SRGAP3: variants seen among roughly 807,000 people sequenced by gnomAD.
SRGAP3 encodes the protein SLIT-ROBO Rho GTPase-activating protein 3.
Under a neutral mutation model 121.1 loss-of-function variants are expected in SRGAP3, and 39 were observed. The ratio of observed to expected loss-of-function variants is 0.32; its 90% CI spans 0.25 to 0.42. The LOEUF is 0.42. Among genes scored for constraint, SRGAP3 ranks in the 10% least tolerant of loss-of-function variants. The probability of loss-of-function intolerance (pLI) is 1.00; values close to 1 mark genes in which losing one functional copy is unlikely to be tolerated. For missense variants in SRGAP3, 1,213 were observed against 1,470.6 expected (o/e 0.82, Z 2.86); for synonymous variants, 601 against 570.0 (o/e 1.05, Z -0.77).
At chr3:9,051,017 C>CTTT (rs71049766) in intron 9 of SRGAP3, among the ~76,000 whole-genome samples, 10 of 81,860 alleles carry the variant, frequency 1.2e-4, no homozygotes, top group Admixed American at 1.8e-4. Context: ...AGCCTCATTG[C>CTTT]TTTTTTTTTT....
chr3:8,983,586 G>A lies in SRGAP3; in HGVS notation c.*1933C>T, dbSNP rs1941532015. The A allele has an allele frequency of 4.3e-6, 1 of 231,426 alleles. No homozygotes were observed. The allele number at this position is 231,426 out of a possible 1,614,324, so 14.3% of individuals were successfully genotyped here. A position where few individuals can be genotyped will look rare whatever the true frequency, so the allele number is the denominator to read the frequency against. On this transcript the variant is annotated 3_prime_UTR_variant, in exon 22 of 22. Transcript: ENST00000383836. The stretch of plus-strand genomic sequence containing the variant: ...CTGAAATGTTAATGATGGAATCCAG[G>A]GCTCTTATTAGGATGGCAGGAAAAT...
intron 3 of SRGAP3, among the ~76,000 whole-genome samples, chr3:9,317,775 G>A (rs535861603): frequency 1.3e-5 from 2 of 152,340 alleles, no homozygotes; most frequent in South Asian, 2.1e-4. Flanking sequence ...GCCCTCTGAT[G>A]CTGATGCTGC....
At chr3:9,359,848 T>C (rs1238052378) in intron 1 of SRGAP3, among the ~76,000 whole-genome samples, 1 of 152,252 alleles carries the variant, frequency 6.6e-6, no homozygotes, top group African/African-American at 2.4e-5. Flanking sequence ...CTTGTTTGTC[T>C]ATTCATTAGC....
At chr3:9,342,843 G>A (rs771580908) in intron 1 of SRGAP3, among the ~76,000 whole-genome samples, 14 of 152,168 alleles carry the variant, frequency 9.2e-5, no homozygotes, top group Non-Finnish European at 1.6e-4. Context: ...GTACTCATTC[G>A]CTTTTATTAT....
At chr3:9,101,317 A>G (rs550727285) in intron 3 of SRGAP3, among the ~76,000 whole-genome samples, 2 of 152,218 alleles carry the variant, frequency 1.3e-5, no homozygotes, top group South Asian at 4.1e-4. Context: ...ACCACCCCTC[A>G]CCCATTCTCA....
chr3:9,009,176 A>G (rs540123761), intron 18 of SRGAP3, among the ~76,000 whole-genome samples: 94 of 152,338 alleles, frequency 6.2e-4, no homozygotes, highest in African/African-American at 2.1e-3. Context: ...TAGTCCTACT[A>G]GAATGTGAAA....
chr3:9,281,483 T>C (rs935512362), intron 3 of SRGAP3, among the ~76,000 whole-genome samples: 2 of 152,206 alleles, frequency 1.3e-5, no homozygotes, highest in Non-Finnish European at 2.9e-5. Flanking sequence ...TGTTAGACTC[T>C]GGGCAAGTCA....
chr3:9,279,793 G>A (rs1338751091), intron 3 of SRGAP3, among the ~76,000 whole-genome samples: 1 of 152,106 alleles, frequency 6.6e-6, no homozygotes, highest in Non-Finnish European at 1.5e-5. Flanking sequence ...GATTACAGGG[G>A]TGAGCCACTG....
At chr3:9,317,083 C>T (rs1045279004) in intron 3 of SRGAP3, among the ~76,000 whole-genome samples, 1 of 152,142 alleles carries the variant, frequency 6.6e-6, no homozygotes, top group East Asian at 1.9e-4. Context: ...AAAGTGAAAG[C>T]AGTCGAGGAA....
intron 1 of SRGAP3, among the ~76,000 whole-genome samples, chr3:9,172,323 G>C (rs1951013764): frequency 6.6e-6 from 1 of 151,828 alleles, no homozygotes. Context: ...GGCTGGTCTT[G>C]AACTCCTGGA....
intron 9 of SRGAP3, among the ~76,000 whole-genome samples, chr3:9,048,795 T>A (rs1480836379): frequency 6.6e-6 from 1 of 152,068 alleles, no homozygotes; most frequent in East Asian, 1.9e-4. Flanking sequence ...CTGCACTCCA[T>A]CCTAAGCAAC....
At chr3:9,174,683 G>A (rs368397857) in intron 1 of SRGAP3, among the ~76,000 whole-genome samples, 5 of 152,312 alleles carry the variant, frequency 3.3e-5, no homozygotes, top group South Asian at 4.1e-4. Context: ...GACCTTGCCC[G>A]TTCTCACCAG....
chr3:9,085,655 C>T (rs1057503964), intron 3 of SRGAP3, among the ~76,000 whole-genome samples: 1 of 152,156 alleles, frequency 6.6e-6, no homozygotes, highest in Non-Finnish European at 1.5e-5. Context: ...AAATCATGTC[C>T]TTTACAGATA....
intron 1 of SRGAP3, among the ~76,000 whole-genome samples, chr3:9,168,432 C>T (rs551066579): frequency 2.0e-5 from 3 of 152,324 alleles, no homozygotes; most frequent in South Asian, 2.1e-4. Context: ...ATCTAGTGCA[C>T]GTGTGCCCTC....
At chr3:9,154,163 T>C (rs547440359) in intron 1 of SRGAP3, among the ~76,000 whole-genome samples, 2 of 152,278 alleles carry the variant, frequency 1.3e-5, no homozygotes, top group African/African-American at 4.8e-5. Flanking sequence ...AAGCCCTGGC[T>C]GACACATGAC....
At chr3:9,348,550 G>C in intron 1 of SRGAP3, 1 of 775,742 alleles carries the variant, frequency 1.3e-6, no homozygotes, top group South Asian at 1.3e-5. Context: ...CGGGCCATAA[G>C]GAGGCGAAGT....
In SRGAP3 at chr3:9,096,935, T is replaced by TTGTG. The variant is rs1368160998; in HGVS notation, c.423+7744_423+7745insCACA. ...CTAATTATATATTTTTTACATTATTTTGTATATATATATATATATATATAT... is the reference window on the plus strand; with the variant it reads ...CTAATTATATATTTTTTACATTATTTTGTGTGTATATATATATATATATATATAT... On this transcript the variant is annotated intron_variant, in intron 3 of 21. Coordinates refer to ENST00000383836, the MANE Select transcript of SRGAP3 (RefSeq NM_014850.4). Among the ~76,000 whole-genome samples the TTGTG allele has an allele frequency of 5.2e-4, 37 of 71,246 alleles. 1 individual carries two copies. The highest frequency in any genetic ancestry group is 1.9e-3 in the African/African-American group (37 of 19,304). 46.7% of individuals were successfully genotyped at this position (71,246 alleles called of 152,430 possible).
rs1194747586 is a variant in SRGAP3 at position 8,981,100 on chromosome 3, T to C, written c.*4419A>G. 8.6e-6 allele frequency: 2 copies of C among 232,986 alleles called. No individual in the cohort carries two copies. Among genetic ancestry groups the C allele is most frequent in the Admixed American group, 1.1e-4 (2 of 17,782 alleles). 14.4% of individuals were successfully genotyped at this position (232,986 alleles called of 1,614,324 possible). Reference sequence around the variant, plus strand: ...CAGTCCCAGAGGGACAGCAGGACACTGGCAGATCAATCTCAGGGAGGTCAG... The same window carrying C: ...CAGTCCCAGAGGGACAGCAGGACACCGGCAGATCAATCTCAGGGAGGTCAG... On this transcript the variant is annotated 3_prime_UTR_variant, in exon 22 of 22. Transcript: ENST00000383836.
chr3:9,338,473 T>C (rs139771003), intron 1 of SRGAP3, among the ~76,000 whole-genome samples: 9 of 152,330 alleles, frequency 5.9e-5, no homozygotes, highest in Non-Finnish European at 1.3e-4. Flanking sequence ...GTCAAAATTA[T>C]AGATGAATTT....
Sources: allele counts gnomAD v4.1 joint callset (sites outside exome capture counted in the v4.1 genomes callset), GRCh38; gene constraint gnomAD v4.1.1; transcripts MANE v1.5; gene names NCBI Gene and HGNC (gene_info 2026-07-23, HGNC 2026-07-21).